MLLT10: variants seen among roughly 807,000 people sequenced by gnomAD.
MLLT10 encodes the protein MLLT10 histone lysine methyltransferase DOT1L cofactor.
In MLLT10, 30 loss-of-function variants were observed where a neutral mutation model predicts 129.1. The observed-to-expected ratio is 0.23, with a 90% CI of 0.17 to 0.32. The LOEUF (loss-of-function observed/expected upper bound fraction) is 0.32. Ranked by LOEUF, MLLT10 falls within the 10% of genes least tolerant of loss-of-function variation. The probability of loss-of-function intolerance (pLI) is 1.00; values close to 1 mark genes in which losing one functional copy is unlikely to be tolerated. For synonymous variants in MLLT10, 490 were observed against 446.4 expected (o/e 1.10, Z -1.23); for missense variants, 1,119 against 1,268.3 (o/e 0.88, Z 1.79).
chr10:21,660,278 T>C (rs1047205803), intron 9 of MLLT10, among the ~76,000 whole-genome samples: 4 of 151,332 alleles, frequency 2.6e-5, no homozygotes, highest in South Asian at 4.2e-4. Context: ...ACTTTAATTT[T>C]TGTTTGCTTA....
At position 21,610,143 on chromosome 10, in the gene MLLT10, T is replaced by A. The variant is rs377014601; in HGVS notation, c.406-2205T>A. On this transcript the variant is annotated intron_variant, in intron 5 of 22. Transcript: ENST00000307729. ...GAGAGAAGGGAAGGGTATGATAGCT[T>A]CTTGTTTTTCCAGTTTGTTTCTCAT... is the stretch of plus-strand genomic sequence containing the variant. Among the ~76,000 whole-genome samples the A allele has an allele frequency of 2.6e-5, 4 of 152,298 alleles. No homozygotes were observed. In the East Asian group the frequency reaches 7.7e-4, roughly 29 times the overall value.
At chr10:21,534,122 G>GGGGGAC (rs1337409197), upstream of MLLT10, 2 of 314,856 alleles carry the variant, frequency 6.4e-6, no homozygotes, top group Non-Finnish European at 1.2e-5. Context: ...GCGCGGGGGA[G>GGGGGAC]GGGGACGGGG....
intron 5 of MLLT10, among the ~76,000 whole-genome samples, chr10:21,606,546 G>A (rs374834349): frequency 6.6e-6 from 1 of 152,140 alleles, no homozygotes; most frequent in Non-Finnish European, 1.5e-5. Context: ...AACATGAACC[G>A]GAGTTTGAAA....
intron 9 of MLLT10, chr10:21,668,859 A>G (rs889343626): frequency 5.4e-5 from 60 of 1,117,686 alleles, no homozygotes; most frequent in Non-Finnish European, 6.2e-5. Context: ...ACATGAGCAA[A>G]AATACATGAG....
chr10:21,699,226 T>C (rs1470107860), intron 13 of MLLT10, among the ~76,000 whole-genome samples: 1 of 151,782 alleles, frequency 6.6e-6, no homozygotes, highest in Non-Finnish European at 1.5e-5. Context: ...GCCCACTTGT[T>C]AATGGTATCT....
intron 5 of MLLT10, among the ~76,000 whole-genome samples, chr10:21,599,360 G>A (rs1245327820): frequency 6.6e-6 from 1 of 151,988 alleles, no homozygotes; most frequent in African/African-American, 2.4e-5. Context: ...AAAAGAACAA[G>A]CTGTGAGGTC....
At chr10:21,676,151 C>T (rs114969237) in intron 11 of MLLT10, among the ~76,000 whole-genome samples, 1,863 of 151,644 alleles carry the variant, frequency 0.012, 34 homozygotes, top group African/African-American at 0.042. Context: ...CTGGGGCGGC[C>T]GCACACAGTG....
At chr10:21,717,888 T>TCCTCCTCCTC (rs2056846205) in intron 14 of MLLT10, among the ~76,000 whole-genome samples, 16 of 75,972 alleles carry the variant, frequency 2.1e-4, no homozygotes, top group South Asian at 5.3e-4. Flanking sequence ...TCCTCCTCCT[T>TCCTCCTCCTC]CTCCTCCTCC....
At chr10:21,593,576 C>G (rs1286478714) in intron 4 of MLLT10, among the ~76,000 whole-genome samples, 15 of 151,930 alleles carry the variant, frequency 9.9e-5, no homozygotes, top group Non-Finnish European at 2.1e-4. Flanking sequence ...TATTTTCATT[C>G]ATATTGTCTT....
intron 13 of MLLT10, among the ~76,000 whole-genome samples, chr10:21,684,673 C>G (rs927915559): frequency 2.0e-5 from 3 of 152,168 alleles, no homozygotes; most frequent in African/African-American, 7.2e-5. Context: ...GATGGTCAAT[C>G]TAAAGTGCAA....
At chr10:21,626,629 C>G (rs1269562217) in intron 8 of MLLT10, among the ~76,000 whole-genome samples, 1 of 152,130 alleles carries the variant, frequency 6.6e-6, no homozygotes, top group Admixed American at 6.5e-5. Flanking sequence ...AGGAACACAC[C>G]ACACTTAAAC....
intron 9 of MLLT10, among the ~76,000 whole-genome samples, chr10:21,652,130 T>C (rs566563510): frequency 6.6e-6 from 1 of 152,142 alleles, no homozygotes; most frequent in African/African-American, 2.4e-5. Flanking sequence ...GCCAGGATGG[T>C]CTCGATCTCC....
Position 21,673,811 on chromosome 10 carries a change from G to A in MLLT10, c.1513G>A (p.Ala505Thr), listed in dbSNP as rs1292747454. ...TTCTGCTTCACCAACATCATCTGTA[G>A]CATCAGCTGCAGGAAGCATAACAAG... is the stretch of plus-strand genomic sequence containing the variant. ...VSSASPTSSV[A>T]SAAGSITSSS... is the part of the protein sequence containing the mutation. Residue 505 changes from alanine to threonine, a missense_variant, in exon 11 of 23, where the codon GCA (alanine) becomes ACA (threonine). By Grantham distance (58) the Ala-to-Thr change is moderately conservative. This residue lies in a region of MLLT10 where 1,004 missense variants were observed against 1,008.7 expected (regional missense o/e 1.00). Transcript: ENST00000307729. 1.9e-6 allele frequency: 3 copies of A among 1,614,018 alleles called. No homozygotes were observed. Among genetic ancestry groups the A allele is most frequent in the Non-Finnish European group, 2.5e-6 (3 of 1,180,024 alleles).
At chr10:21,539,972 A>G (rs2034831187) in intron 3 of MLLT10, among the ~76,000 whole-genome samples, 1 of 148,926 alleles carries the variant, frequency 6.7e-6, no homozygotes, top group South Asian at 2.1e-4. Context: ...AAAAGGAGGT[A>G]GGCCGGGTGC....
chr10:21,564,122 A>ATTG (rs992431969), intron 3 of MLLT10, among the ~76,000 whole-genome samples: 1 of 150,356 alleles, frequency 6.7e-6, no homozygotes, highest in African/African-American at 2.4e-5. Context: ...TATTATTATT[A>ATTG]TTTTTTTTTG....
At position 21,534,306 on chromosome 10, in the gene MLLT10, GCC is replaced by G. The variant is rs1019454124; in HGVS notation, c.-209_-208del. The G allele has an allele frequency of 3.1e-6, 1 of 324,262 alleles. No homozygotes were observed. Among genetic ancestry groups the G allele is most frequent in the African/African-American group, 2.5e-5 (1 of 40,698 alleles). 20.1% of individuals were successfully genotyped at this position (324,262 alleles called of 1,614,324 possible). A position where few individuals can be genotyped will look rare whatever the true frequency, so the allele number is the denominator to read the frequency against. On this transcript the variant is annotated 5_prime_UTR_variant, in exon 1 of 23. Transcript: ENST00000307729. ...CCTCGCTGCCCCTGGCCCAGCGGGAGCCCCCCCTCCCCCCAGTGCGCCTGTGC... is the reference window on the plus strand; with the variant it reads ...CCTCGCTGCCCCTGGCCCAGCGGGAGCCCCCTCCCCCCAGTGCGCCTGTGC...
intron 12 of MLLT10, 50 bp downstream of exon 12, chr10:21,681,426 G>T: frequency 7.7e-7 from 1 of 1,297,304 alleles, no homozygotes; most frequent in East Asian, 2.3e-5. Flanking sequence ...CTCCTCTAGT[G>T]CTCTTTCTAG....
chr10:21,695,328 T>C (rs1468180115), intron 13 of MLLT10, among the ~76,000 whole-genome samples: 2 of 152,172 alleles, frequency 1.3e-5, no homozygotes, highest in Non-Finnish European at 2.9e-5. Context: ...TGTGATTACA[T>C]TGGATCCTTC....
At chr10:21,546,964 C>A (rs918176707) in intron 3 of MLLT10, among the ~76,000 whole-genome samples, 7 of 152,072 alleles carry the variant, frequency 4.6e-5, no homozygotes, top group African/African-American at 1.4e-4. Flanking sequence ...CTCAGGTGAT[C>A]CACGTGCCTC....
Sources: gnomAD v4.1 joint callset for allele counts (sites outside exome capture counted in the v4.1 genomes callset) on GRCh38, gnomAD v4.1.1 for gene constraint, gnomAD v4.1.1 regional missense constraint, MANE v1.5 for transcripts, NCBI Gene and HGNC (gene_info 2026-07-23, HGNC 2026-07-21) for gene names.